The following CSMD3 variants were observed in gnomAD, a reference collection of about 807,000 sequenced individuals.
CSMD3 encodes CUB and Sushi multiple domains 3.
CSMD3 carries 177 observed loss-of-function variants against 435.2 expected under a neutral mutation model. The observed-to-expected ratio is 0.41, with a 90% CI of 0.36 to 0.46. The LOEUF (loss-of-function observed/expected upper bound fraction) is 0.46, where lower values mean the gene tolerates loss of function less well. Ranked by LOEUF, CSMD3 falls within the 20% of genes least tolerant of loss-of-function variation. The pLI, the probability that CSMD3 is intolerant of heterozygous loss-of-function variation, is 0.34. For synonymous variants in CSMD3, 1,656 were observed against 1,520.5 expected, an observed-to-expected ratio of 1.09 and a Z score of -2.07; for missense variants, 4,265 against 4,504.6, an observed-to-expected ratio of 0.95 and a Z score of 1.52.
chr8:113,268,108 T>G (rs980651126), intron 3 of CSMD3, among the ~76,000 whole-genome samples: 1 of 151,728 alleles, frequency 6.6e-6, no homozygotes, highest in African/African-American at 2.4e-5. Context: ...CTATAAAAAG[T>G]GACTATGCAT....
chr8:112,815,016 A>G (rs1034139155), intron 12 of CSMD3, among the ~76,000 whole-genome samples: 7 of 151,968 alleles, frequency 4.6e-5, no homozygotes, highest in African/African-American at 1.7e-4. Context: ...TTCTAGTACA[A>G]TGTTATAAAA....
intron 35 of CSMD3, among the ~76,000 whole-genome samples, chr8:112,402,240 T>C (rs897573686): frequency 6.6e-6 from 1 of 152,202 alleles, no homozygotes; most frequent in Non-Finnish European, 1.5e-5. Flanking sequence ...AATTCAGTCA[T>C]GCGGACAAAG....
At chr8:112,472,475 A>C (rs567618935) in intron 32 of CSMD3, 116 bp downstream of exon 32, 2 of 731,116 alleles carry the variant, frequency 2.7e-6, no homozygotes. Flanking sequence ...AAAGAATTGC[A>C]TAGTAAAATA....
At chr8:113,055,732 G>A (rs575126595) in intron 5 of CSMD3, among the ~76,000 whole-genome samples, 242 of 152,244 alleles carry the variant, frequency 1.6e-3, no homozygotes, top group African/African-American at 5.7e-3. Context: ...AAGGAAGATT[G>A]GTTGATTTTT....
chr8:112,878,958 G>A (rs1287409826), intron 10 of CSMD3, among the ~76,000 whole-genome samples: 1 of 152,118 alleles, frequency 6.6e-6, no homozygotes, highest in Non-Finnish European at 1.5e-5. Flanking sequence ...TCAGGACCCT[G>A]TGATGATTGC....
chr8:112,532,015 T>C (rs1825587300), intron 27 of CSMD3, among the ~76,000 whole-genome samples: 1 of 151,188 alleles, frequency 6.6e-6, no homozygotes, highest in Non-Finnish European at 1.5e-5. Context: ...ATAAATTATA[T>C]ATATAAATAT....
intron 5 of CSMD3, among the ~76,000 whole-genome samples, chr8:113,092,872 TG>T (rs1171416746): frequency 6.6e-6 from 1 of 152,106 alleles, no homozygotes; most frequent in African/African-American, 2.4e-5. Flanking sequence ...ACTTGTGTCT[TG>T]TTTTAGCCTC....
At chr8:112,592,693 T>A (rs1831299170) in intron 22 of CSMD3, among the ~76,000 whole-genome samples, 4 of 152,130 alleles carry the variant, frequency 2.6e-5, no homozygotes, top group Admixed American at 2.6e-4. Context: ...TAATCTGACA[T>A]TGTCTTTTCA....
rs543382106 is a variant in CSMD3, at chr8:113,107,912, T to G, written c.710-8949A>C. Among the ~76,000 whole-genome samples, 259 of 152,328 alleles carry G rather than the reference T, an allele frequency of 1.7e-3. 1 individual carries two copies. Among genetic ancestry groups the G allele is most frequent in the Non-Finnish European group, 2.2e-3 (151 of 68,032 alleles). On this transcript the variant is annotated intron_variant, in intron 4 of 70. Transcript: ENST00000297405. Reference sequence around the variant, plus strand: ...CTATACCTACATATATAGTAGGGACTCCAAGTGAATTTATTGAATTAAACA... The same window carrying G: ...CTATACCTACATATATAGTAGGGACGCCAAGTGAATTTATTGAATTAAACA...
chr8:113,006,396 G>A (rs2131098419), intron 6 of CSMD3, among the ~76,000 whole-genome samples: 1 of 152,138 alleles, frequency 6.6e-6, no homozygotes, highest in South Asian at 2.1e-4. Flanking sequence ...CTTGTAGATT[G>A]GTGAGGACCC....
chr8:113,075,659 T>G lies in CSMD3; in HGVS notation c.917+23097A>C, dbSNP rs1403259723. Among the ~76,000 whole-genome samples, 7 of 151,828 alleles carry G rather than the reference T, an allele frequency of 4.6e-5. No individual in the cohort carries two copies. In the East Asian group the frequency reaches 1.3e-3, roughly 29 times the overall value. On this transcript the variant is annotated intron_variant, in intron 5 of 70. Coordinates refer to ENST00000297405, the MANE Select transcript of CSMD3 (RefSeq NM_198123.2). ...TATTTGAAAGAGTCTTATTGAAGAT[T>G]AAGGGTGATGAAATATGCCTATATT... is the stretch of plus-strand genomic sequence containing the variant.
At chr8:113,021,502 G>A (rs528834710) in intron 5 of CSMD3, among the ~76,000 whole-genome samples, 150 of 152,246 alleles carry the variant, frequency 9.9e-4, no homozygotes, top group Non-Finnish European at 1.7e-3. Flanking sequence ...CAGATGTAAT[G>A]AGACTACAAT....
intron 59 of CSMD3, among the ~76,000 whole-genome samples, chr8:112,268,671 C>T (rs996957597): frequency 8.5e-5 from 13 of 152,158 alleles, no homozygotes; most frequent in African/African-American, 2.9e-4. Context: ...TATTCCACTG[C>T]TTTTCTGTTA....
intron 1 of CSMD3, among the ~76,000 whole-genome samples, chr8:113,325,690 T>C (rs1038180912): frequency 6.6e-6 from 1 of 152,150 alleles, no homozygotes; most frequent in African/African-American, 2.4e-5. Context: ...CTATATGCAG[T>C]CATTGTAGAA....
chr8:112,560,045 A>C (rs1283310513), intron 24 of CSMD3, among the ~76,000 whole-genome samples: 1 of 151,844 alleles, frequency 6.6e-6, no homozygotes, highest in African/African-American at 2.4e-5. Context: ...TCTAGATTTG[A>C]ATTAGAAAGC....
chr8:112,751,310 A>G (rs893802496), intron 13 of CSMD3, among the ~76,000 whole-genome samples: 14 of 152,154 alleles, frequency 9.2e-5, no homozygotes, highest in African/African-American at 3.1e-4. Flanking sequence ...TAAAGAATGT[A>G]TGAAAAGGAT....
intron 3 of CSMD3, among the ~76,000 whole-genome samples, chr8:113,254,504 G>A (rs1461757488): frequency 1.3e-5 from 2 of 152,188 alleles, no homozygotes; most frequent in Non-Finnish European, 2.9e-5. Context: ...AGGGAGGCCA[G>A]CTTCTTTGCC....
intron 4 of CSMD3, among the ~76,000 whole-genome samples, chr8:113,158,335 G>A (rs1395096401): frequency 6.6e-6 from 1 of 151,992 alleles, no homozygotes; most frequent in African/African-American, 2.4e-5. Flanking sequence ...TATGATAACG[G>A]AAGGTCCTCC....
intron 43 of CSMD3, 56 bp from the exon 44 acceptor site, chr8:112,336,885 T>A (rs2130959959): frequency 7.0e-7 from 1 of 1,438,528 alleles, no homozygotes; most frequent in Non-Finnish European, 9.7e-7. Flanking sequence ...AAACTGACTG[T>A]GGAGAAAAAG....
Sources: gnomAD v4.1 joint callset for allele counts (sites outside exome capture counted in the v4.1 genomes callset) on GRCh38, gnomAD v4.1.1 for gene constraint, MANE v1.5 for transcripts, NCBI Gene and HGNC (gene_info 2026-07-23, HGNC 2026-07-21) for gene names.